The following DCAF1 variants were observed in gnomAD, a reference collection of about 807,000 sequenced individuals.
DCAF1 encodes DDB1 and CUL4 associated factor 1, also known as DDB1- and CUL4-associated factor 1.
DCAF1 carries 15 observed loss-of-function variants against 128.0 expected under a neutral mutation model. That is an observed-to-expected ratio of 0.12 (90% CI 0.08 to 0.18). The LOEUF is 0.18. Among genes scored for constraint, DCAF1 ranks in the 10% least tolerant of loss-of-function variants. The pLI, the probability that DCAF1 is intolerant of heterozygous loss-of-function variation, is 1.00. For synonymous variants in DCAF1, 610 were observed against 603.0 expected (o/e 1.01, Z -0.17); for missense variants, 988 against 1,649.5 (o/e 0.60, Z 6.95).
chr3:51,494,084 G>A (rs1553659548), intron 2 of DCAF1, among the ~76,000 whole-genome samples: 1 of 151,266 alleles, frequency 6.6e-6, no homozygotes, highest in East Asian at 1.9e-4. Flanking sequence ...GGGAAAATGG[G>A]CAGTGACTGC....
chr3:51,460,823 T>C (rs1173377984), intron 6 of DCAF1, among the ~76,000 whole-genome samples: 17 of 150,620 alleles, frequency 1.1e-4, no homozygotes, highest in Non-Finnish European at 1.9e-4. Context: ...GGATTCCCTA[T>C]TTAATAAATG....
intron 24 of DCAF1, 57 bp from the exon 25 acceptor site, chr3:51,398,884 C>A (rs2089427354): frequency 5.8e-6 from 9 of 1,548,518 alleles, no homozygotes; most frequent in Non-Finnish European, 7.0e-6. Context: ...AGGAAGCTTT[C>A]CTACAGAAGC....
At chr3:51,416,995 C>A in intron 17 of DCAF1, 124 bp from the exon 18 acceptor site, 1 of 1,430,070 alleles carries the variant, frequency 7.0e-7, no homozygotes, top group Non-Finnish European at 9.4e-7. Context: ...CCTGGACTCC[C>A]AAAGAGGAAA....
intron 6 of DCAF1, among the ~76,000 whole-genome samples, chr3:51,452,730 G>A (rs1402776377): frequency 6.6e-6 from 1 of 152,116 alleles, no homozygotes; most frequent in Non-Finnish European, 1.5e-5. Flanking sequence ...ATCTGTTATC[G>A]GCTGGGTGCA....
At position 51,402,705 on chromosome 3, in the gene DCAF1, G is replaced by A. The variant is rs992182529; in HGVS notation, c.4465+438C>T. Among the ~76,000 whole-genome samples the A allele has an allele frequency of 2.0e-5, 3 of 150,182 alleles. No individual in the cohort carries two copies. The East Asian group carries it at 5.9e-4, about 30-fold the overall frequency. ...TTCTCCTGCCTCAGCCTCCCAAGTA[G>A]CTGGGATTATAGGCATGTGCCACCA... On this transcript the variant is annotated intron_variant, in intron 24 of 24. Coordinates refer to ENST00000684031, the MANE Select transcript of DCAF1 (RefSeq NM_001387579.1).
intron 2 of DCAF1, among the ~76,000 whole-genome samples, chr3:51,496,342 G>A (rs559711131): frequency 7.2e-5 from 11 of 152,198 alleles, no homozygotes; most frequent in Admixed American, 4.6e-4. Flanking sequence ...CAGCAGAATC[G>A]CTTGAACCCA....
intron 11 of DCAF1, among the ~76,000 whole-genome samples, 168 bp downstream of exon 11, chr3:51,429,864 GA>G (rs1700220511): frequency 6.8e-6 from 1 of 146,266 alleles, no homozygotes; most frequent in African/African-American, 2.5e-5. Flanking sequence ...AACTACTAAA[GA>G]AAAAGAGAAA....
intron 24 of DCAF1, among the ~76,000 whole-genome samples, chr3:51,400,735 G>A (rs530335564): frequency 2.0e-5 from 3 of 152,134 alleles, no homozygotes; most frequent in Admixed American, 6.5e-5. Context: ...CTGAAAGGTC[G>A]CTAAGGCAGA....
At chr3:51,478,139 G>T (rs1705711442) in intron 3 of DCAF1, among the ~76,000 whole-genome samples, 1 of 152,030 alleles carries the variant, frequency 6.6e-6, no homozygotes, top group African/African-American at 2.4e-5. Flanking sequence ...GAGTAGCTGA[G>T]ACTACAGGCA....
At chr3:51,399,595 G>A (rs1477959461) in intron 24 of DCAF1, among the ~76,000 whole-genome samples, 1 of 152,122 alleles carries the variant, frequency 6.6e-6, no homozygotes, top group Admixed American at 6.5e-5. Context: ...GATCTGTTAA[G>A]GGGTGAAACT....
intron 3 of DCAF1, among the ~76,000 whole-genome samples, chr3:51,477,379 A>G (rs1705596024): frequency 6.6e-6 from 1 of 151,626 alleles, no homozygotes; most frequent in African/African-American, 2.4e-5. Context: ...GAGACCCACA[A>G]TTTGGTGAAG....
At chr3:51,492,131 C>T (rs894914998) in intron 2 of DCAF1, among the ~76,000 whole-genome samples, 3 of 151,158 alleles carry the variant, frequency 2.0e-5, no homozygotes, top group Non-Finnish European at 4.4e-5. Context: ...TGCACTCTAG[C>T]CTGGTGACAG....
chr3:51,402,566 A>ATCTTT (rs2089790712), intron 24 of DCAF1, among the ~76,000 whole-genome samples: 1 of 84,984 alleles, frequency 1.2e-5, no homozygotes, highest in African/African-American at 5.0e-5. Flanking sequence ...CCTACAAAGC[A>ATCTTT]TTTTTTTTTT....
intron 1 of DCAF1, among the ~76,000 whole-genome samples, chr3:51,498,239 A>G (rs1227669712): frequency 2.0e-5 from 3 of 150,572 alleles, no homozygotes. Flanking sequence ...GCGTGCCTGT[A>G]GTCCCAGCTA....
chr3:51,456,339 G>A (rs1270368487), intron 6 of DCAF1, among the ~76,000 whole-genome samples: 4 of 152,202 alleles, frequency 2.6e-5, no homozygotes, highest in Non-Finnish European at 5.9e-5. Context: ...CAAACTGCAA[G>A]GAAGCAGTGA....
chr3:51,446,269 G>A (rs182718612), intron 6 of DCAF1, among the ~76,000 whole-genome samples: 5 of 152,066 alleles, frequency 3.3e-5, no homozygotes, highest in South Asian at 2.1e-4. Context: ...CAAAGAGCTG[G>A]GATTACAGGT....
Position 51,420,788 on chromosome 3 carries a change from C to T in DCAF1, c.2182G>A (p.Val728Met). ...SEHTLAKMWN[V>M]VQSNNGIKVL... Reference sequence around the variant, plus strand: ...TTGATGCCGTTGTTGGACTGAACCACATTCCACATCTTGGCCAGGGTGTGC... The same window carrying T: ...TTGATGCCGTTGTTGGACTGAACCATATTCCACATCTTGGCCAGGGTGTGC... Residue 728 changes from valine to methionine, a missense_variant, in exon 15 of 25, where the codon GTG (valine) becomes ATG (methionine). Physicochemically the swap from Val to Met is conservative, Grantham distance 21. Around this residue, in one of 11 missense-constraint regions of DCAF1, gnomAD observed 76 missense variants for 186.9 expected, o/e 0.41. Coordinates refer to ENST00000684031, the MANE Select transcript of DCAF1 (RefSeq NM_001387579.1). The surrounding 1 kb of genome is among the most constrained non-coding windows in gnomAD (Gnocchi z 6.5). The T allele has an allele frequency of 6.2e-7, 1 of 1,614,060 alleles. No individual in the cohort carries two copies. Among genetic ancestry groups the T allele is most frequent in the South Asian group, 1.1e-5 (1 of 91,086 alleles).
chr3:51,424,977 C>T (rs181285436), intron 13 of DCAF1, among the ~76,000 whole-genome samples: 45 of 151,990 alleles, frequency 3.0e-4, no homozygotes, highest in Admixed American at 1.4e-3. Context: ...CTGTGCCTTT[C>T]TATGTTTTGA....
At chr3:51,497,567 A>C (rs2108604984) in intron 1 of DCAF1, among the ~76,000 whole-genome samples, 1 of 151,966 alleles carries the variant, frequency 6.6e-6, no homozygotes, top group Middle Eastern at 3.4e-3. Context: ...AGCCTGGGCA[A>C]CAGAGCAAGA....
Sources: gnomAD v4.1 joint callset for allele counts (sites outside exome capture counted in the v4.1 genomes callset) on GRCh38, gnomAD v4.1.1 for gene constraint, gnomAD v4.1.1 regional missense constraint, Gnocchi (gnomAD v3.1) non-coding constraint, MANE v1.5 for transcripts, NCBI Gene and HGNC (gene_info 2026-07-23, HGNC 2026-07-21) for gene names.